Variants in ABCA13 observed in about 807,000 individuals in gnomAD.
The protein encoded by ABCA13 is ATP-binding cassette sub-family A member 13.
ABCA13 carries 476 observed loss-of-function variants against 478.7 expected under a neutral mutation model. The ratio of observed to expected loss-of-function variants is 0.99; its 90% CI spans 0.92 to 1.07. ABCA13 has a LOEUF of 1.07. Among genes scored for constraint, ABCA13 ranks in the 50% least tolerant of loss-of-function variants. The pLI, the probability that ABCA13 is intolerant of heterozygous loss-of-function variation, is 0.00. For missense variants in ABCA13, 6,060 were observed against 5,910.6 expected (o/e 1.03, Z -0.83); for synonymous variants, 2,252 against 2,158.9 (o/e 1.04, Z -1.20).
At chr7:48,375,719 C>T (rs1427198359) in intron 34 of ABCA13, among the ~76,000 whole-genome samples, 1 of 151,820 alleles carries the variant, frequency 6.6e-6, no homozygotes, top group Non-Finnish European at 1.5e-5. Context: ...TCTTTGAGTT[C>T]TTAGAGTTTT....
intron 15 of ABCA13, among the ~76,000 whole-genome samples, chr7:48,267,441 GA>G (rs1236860666): frequency 6.6e-6 from 1 of 152,024 alleles, no homozygotes; most frequent in Non-Finnish European, 1.5e-5. Flanking sequence ...TACTTTGTCT[GA>G]TAGCTTTCTT....
chr7:48,480,113 G>A (rs572823879), intron 45 of ABCA13, among the ~76,000 whole-genome samples: 45 of 152,184 alleles, frequency 3.0e-4, no homozygotes, highest in Non-Finnish European at 4.4e-4. Flanking sequence ...ACTGAAATAC[G>A]TTAGATCTCT....
At chr7:48,402,587 TA>T (rs1488152384) in intron 38 of ABCA13, among the ~76,000 whole-genome samples, 26 of 152,338 alleles carry the variant, frequency 1.7e-4, no homozygotes, top group African/African-American at 6.3e-4. Context: ...GAGTGAACAC[TA>T]AACCCTAAGA....
chr7:48,435,081 A>G (rs1822650112), intron 42 of ABCA13, among the ~76,000 whole-genome samples: 1 of 151,884 alleles, frequency 6.6e-6, no homozygotes, highest in East Asian at 1.9e-4. Context: ...TGATTAGTTT[A>G]GATAGTTTTG....
intron 58 of ABCA13, among the ~76,000 whole-genome samples, chr7:48,607,449 G>T (rs1299585521): frequency 1.3e-5 from 2 of 152,096 alleles, no homozygotes; most frequent in African/African-American, 4.8e-5. Flanking sequence ...CTTCTGCGTC[G>T]ATCTCTCTGG....
chr7:48,420,370 T>C (rs1820580791), intron 41 of ABCA13, among the ~76,000 whole-genome samples: 1 of 152,184 alleles, frequency 6.6e-6, no homozygotes, highest in Non-Finnish European at 1.5e-5. Flanking sequence ...CAAGTTACAA[T>C]GTTTACTTTG....
intron 31 of ABCA13, among the ~76,000 whole-genome samples, chr7:48,359,636 G>A (rs1291643396): frequency 6.6e-6 from 1 of 151,994 alleles, no homozygotes; most frequent in Non-Finnish European, 1.5e-5. Flanking sequence ...GTGGAGAGGG[G>A]CAGAAGCAGG....
intron 60 of ABCA13, among the ~76,000 whole-genome samples, chr7:48,643,909 G>T (rs758032075): frequency 1.3e-5 from 2 of 152,166 alleles, no homozygotes; most frequent in African/African-American, 2.4e-5. Flanking sequence ...TATTGAATGG[G>T]AATCTGCATT....
chr7:48,346,702 C>T (rs1808160931), intron 29 of ABCA13, among the ~76,000 whole-genome samples: 1 of 152,194 alleles, frequency 6.6e-6, no homozygotes, highest in African/African-American at 2.4e-5. Context: ...ACTTCAACTA[C>T]ATTTACTTTT....
At chr7:48,396,253 G>A (rs774787928) in intron 38 of ABCA13, among the ~76,000 whole-genome samples, 16 of 152,244 alleles carry the variant, frequency 1.1e-4, no homozygotes, top group Non-Finnish European at 2.4e-4. Flanking sequence ...CAGGAAAGAA[G>A]CCCCTTGTGG....
chr7:48,644,119 C>T (rs1795284666), intron 60 of ABCA13, among the ~76,000 whole-genome samples: 1 of 152,148 alleles, frequency 6.6e-6, no homozygotes, highest in Non-Finnish European at 1.5e-5. Context: ...GTGAGACTGT[C>T]ATTCATGCTC....
intron 57 of ABCA13, among the ~76,000 whole-genome samples, chr7:48,592,983 C>T (rs1789905723): frequency 1.3e-5 from 2 of 151,968 alleles, no homozygotes; most frequent in African/African-American, 4.8e-5. Flanking sequence ...AAGTCTCTTG[C>T]AAACAGCATA....
chr7:48,253,741 C>T (rs1209864200), intron 15 of ABCA13, among the ~76,000 whole-genome samples: 2 of 152,202 alleles, frequency 1.3e-5, no homozygotes, highest in East Asian at 3.9e-4. Context: ...GCCTCAGCTT[C>T]CCAGAGTGCT....
intron 27 of ABCA13, among the ~76,000 whole-genome samples, chr7:48,333,866 T>C (rs1321145498): frequency 6.6e-6 from 1 of 152,168 alleles, no homozygotes; most frequent in Non-Finnish European, 1.5e-5. Flanking sequence ...GCCAGGTCAC[T>C]TGATATTGTG....
intron 37 of ABCA13, among the ~76,000 whole-genome samples, chr7:48,390,802 T>C (rs1338117560): frequency 6.6e-6 from 1 of 152,172 alleles, no homozygotes; most frequent in Non-Finnish European, 1.5e-5. Context: ...GTATCCACCA[T>C]ATGGAGGCAA....
intron 23 of ABCA13, among the ~76,000 whole-genome samples, chr7:48,308,704 C>A (rs955138344): frequency 6.6e-6 from 1 of 151,918 alleles, no homozygotes; most frequent in Non-Finnish European, 1.5e-5. Flanking sequence ...ATATTTTGGT[C>A]AACAATGGAC....
At chr7:48,574,763 A>C (rs1788007928) in intron 55 of ABCA13, among the ~76,000 whole-genome samples, 1 of 152,132 alleles carries the variant, frequency 6.6e-6, no homozygotes, top group African/African-American at 2.4e-5. Context: ...ATGTGTGACT[A>C]ATATTTCGAG....
At chr7:48,380,253 A>T (rs907747755) in intron 35 of ABCA13, among the ~76,000 whole-genome samples, 1 of 152,188 alleles carries the variant, frequency 6.6e-6, no homozygotes, top group African/African-American at 2.4e-5. Context: ...CATTTTCTAA[A>T]TTTCTACTAT....
At chr7:48,453,827 G>T (rs1825336302) in intron 42 of ABCA13, among the ~76,000 whole-genome samples, 1 of 152,170 alleles carries the variant, frequency 6.6e-6, no homozygotes, top group African/African-American at 2.4e-5. Context: ...CAACCCGTAT[G>T]TTGGGGACAG....
Sources: gnomAD v4.1 joint callset for allele counts (sites outside exome capture counted in the v4.1 genomes callset) on GRCh38, gnomAD v4.1.1 for gene constraint, MANE v1.5 for transcripts, NCBI Gene and HGNC (gene_info 2026-07-23, HGNC 2026-07-21) for gene names.